Variants in CNTLN observed in about 807,000 individuals in gnomAD.
CNTLN encodes the protein centlein.
CNTLN carries 212 observed loss-of-function variants against 180.0 expected under a neutral mutation model. That is an observed-to-expected ratio of 1.18 (90% confidence interval 1.05 to 1.32). The LOEUF is 1.32. Ranked by LOEUF, CNTLN falls within the 40% of genes most tolerant of loss-of-function variation. The pLI, the probability that CNTLN is intolerant of heterozygous loss-of-function variation, is 0.00. For missense variants in CNTLN, 2,095 were observed against 1,610.9 expected (o/e 1.30, Z -5.14); for synonymous variants, 722 against 563.1 (o/e 1.28, Z -3.99).
At chr9:17,506,553 C>T (rs1020386513), downstream of CNTLN, among the ~76,000 whole-genome samples, 7 of 152,052 alleles carry the variant, frequency 4.6e-5, no homozygotes, top group African/African-American at 7.2e-5. Context: ...CATTCTTCAA[C>T]GCTAGCCCTT....
chr9:17,497,221 G>A (rs1240505529), intron 25 of CNTLN, among the ~76,000 whole-genome samples: 5 of 152,106 alleles, frequency 3.3e-5, no homozygotes, highest in Non-Finnish European at 7.4e-5. Context: ...AGTGGAAAAT[G>A]AGGGAGGGGA....
chr9:17,396,147 C>T (rs115375044), intron 15 of CNTLN, among the ~76,000 whole-genome samples: 2,545 of 152,284 alleles, frequency 0.017, 62 homozygotes, highest in African/African-American at 0.058. Flanking sequence ...ATGAATAATA[C>T]ACCCCTAGTT....
intron 18 of CNTLN, among the ~76,000 whole-genome samples, chr9:17,440,296 G>A (rs984461342): frequency 7.9e-5 from 12 of 151,836 alleles, no homozygotes; most frequent in African/African-American, 2.2e-4. Flanking sequence ...AAACACGGCC[G>A]GGCATGGTGG....
chr9:17,314,397 A>G (rs1384008306), intron 8 of CNTLN, among the ~76,000 whole-genome samples: 2 of 152,230 alleles, frequency 1.3e-5, no homozygotes, highest in Non-Finnish European at 2.9e-5. Flanking sequence ...AAATAAATAT[A>G]TGAATCAGAA....
At chr9:17,381,830 C>G (rs1449749229) in intron 13 of CNTLN, among the ~76,000 whole-genome samples, 1 of 152,164 alleles carries the variant, frequency 6.6e-6, no homozygotes, top group African/African-American at 2.4e-5. Flanking sequence ...ATTTCTTAAT[C>G]CCAGTCCCAG....
chr9:17,256,291 C>T (rs986206371), intron 5 of CNTLN, among the ~76,000 whole-genome samples: 1 of 151,934 alleles, frequency 6.6e-6, no homozygotes, highest in Non-Finnish European at 1.5e-5. Context: ...ATTGCTGGAT[C>T]AAATGGTAGT....
At chr9:17,309,677 A>G (rs1053203209) in intron 8 of CNTLN, among the ~76,000 whole-genome samples, 1 of 151,648 alleles carries the variant, frequency 6.6e-6, no homozygotes, top group Non-Finnish European at 1.5e-5. Context: ...CCTTGATAAC[A>G]TGATTTTGGA....
intron 2 of CNTLN, among the ~76,000 whole-genome samples, chr9:17,179,104 C>T (rs190409925): frequency 0.038 from 5,766 of 150,110 alleles, 227 homozygotes; most frequent in East Asian, 0.17. Context: ...ATTAGCCGGG[C>T]GTAGTGGCGG....
intron 13 of CNTLN, among the ~76,000 whole-genome samples, chr9:17,386,497 G>A (rs1440369183): frequency 6.6e-6 from 1 of 152,168 alleles, no homozygotes; most frequent in African/African-American, 2.4e-5. Context: ...TTTCTAACTA[G>A]GTCTTGTTGG....
intron 19 of CNTLN, among the ~76,000 whole-genome samples, chr9:17,460,948 T>A (rs1480453095): frequency 6.6e-6 from 1 of 151,382 alleles, no homozygotes; most frequent in Non-Finnish European, 1.5e-5. Flanking sequence ...TAGGCAGGAA[T>A]AATGACACAG....
chr9:17,214,728 G>GTA (rs1823606809), intron 2 of CNTLN, among the ~76,000 whole-genome samples: 1 of 152,168 alleles, frequency 6.6e-6, no homozygotes, highest in Admixed American at 6.5e-5. Flanking sequence ...ACATAGTCAT[G>GTA]TATTTCTTGG....
chr9:17,147,148 T>A (rs1586909673), intron 2 of CNTLN, among the ~76,000 whole-genome samples: 1 of 152,208 alleles, frequency 6.6e-6, no homozygotes, highest in East Asian at 1.9e-4. Flanking sequence ...TTGTAAGGCT[T>A]GGGGAAGGGC....
chr9:17,377,134 C>T (rs555160946), intron 13 of CNTLN, among the ~76,000 whole-genome samples: 1 of 152,128 alleles, frequency 6.6e-6, no homozygotes, highest in Non-Finnish European at 1.5e-5. Context: ...ATAATTTCCT[C>T]AGCTTTAAAG....
chr9:17,411,091 G>A (rs1422296737), intron 16 of CNTLN, among the ~76,000 whole-genome samples: 6 of 152,062 alleles, frequency 3.9e-5, no homozygotes, highest in African/African-American at 9.7e-5. Context: ...AGAAGAAGAC[G>A]CTGAAAGGTA....
intron 25 of CNTLN, among the ~76,000 whole-genome samples, chr9:17,492,652 G>A (rs1833227142): frequency 6.6e-6 from 1 of 152,140 alleles, no homozygotes; most frequent in South Asian, 2.1e-4. Flanking sequence ...GTAAAAGGGT[G>A]CTGTTATTGT....
chr9:17,342,480 A>C (rs1383424978), intron 12 of CNTLN, 36 bp downstream of exon 12: 4 of 1,550,072 alleles, frequency 2.6e-6, no homozygotes, highest in Middle Eastern at 1.7e-4. Flanking sequence ...ACTTAGATAA[A>C]ATACTTGGGA....
At chr9:17,299,859 T>A in intron 7 of CNTLN, 1 of 932,870 alleles carries the variant, frequency 1.1e-6, no homozygotes, top group Non-Finnish European at 1.3e-6. Context: ...TTTTTTCCCC[T>A]CTTGGCTTCC....
intron 5 of CNTLN, among the ~76,000 whole-genome samples, chr9:17,267,292 T>G (rs1827543363): frequency 6.6e-6 from 1 of 152,162 alleles, no homozygotes. Flanking sequence ...TCTCCTTCAC[T>G]TATGAAGGTT....
At chr9:17,351,726 C>A (rs1822382342) in intron 12 of CNTLN, among the ~76,000 whole-genome samples, 1 of 152,156 alleles carries the variant, frequency 6.6e-6, no homozygotes, top group South Asian at 2.1e-4. Context: ...TGCATCCACT[C>A]TTATCTCTTC....
Sources: gnomAD v4.1 joint callset for allele counts (sites outside exome capture counted in the v4.1 genomes callset) on GRCh38, gnomAD v4.1.1 for gene constraint, MANE v1.5 for transcripts, NCBI Gene and HGNC (gene_info 2026-07-23, HGNC 2026-07-21) for gene names.